Variants in ITPR1 observed in about 807,000 individuals in gnomAD.
ITPR1 encodes the protein inositol 1,4,5-trisphosphate receptor type 1, also known as inositol 1,4,5-trisphosphate-gated calcium channel ITPR1.
Under a neutral mutation model 318.4 loss-of-function variants are expected in ITPR1, and 96 were observed. That is an observed-to-expected ratio of 0.30 (90% CI 0.26 to 0.36). The LOEUF is 0.36. ITPR1 is among the 10% of genes least tolerant of loss of function. The pLI is 1.00. For missense variants in ITPR1, 2,440 were observed against 3,460.2 expected, an observed-to-expected ratio of 0.71 and a Z score of 7.40; for synonymous variants, 1,312 against 1,289.9, an observed-to-expected ratio of 1.02 and a Z score of -0.37.
chr3:4,754,571 C>T (rs913034151), intron 44 of ITPR1, among the ~76,000 whole-genome samples: 1 of 152,222 alleles, frequency 6.6e-6, no homozygotes, highest in Non-Finnish European at 1.5e-5. Context: ...TAGCATGTGT[C>T]TCCTGCAGCC....
intron 61 of ITPR1, 36 bp downstream of exon 61, chr3:4,836,971 C>A (rs1396408127): frequency 6.6e-7 from 1 of 1,510,310 alleles, no homozygotes; most frequent in African/African-American, 1.4e-5. Context: ...ACCCTCCCAT[C>A]ACTATCCCCA....
intron 4 of ITPR1, among the ~76,000 whole-genome samples, chr3:4,577,494 G>A (rs549738709): frequency 3.9e-5 from 6 of 152,166 alleles, no homozygotes; most frequent in Admixed American, 2.6e-4. Context: ...GAGAGCAGAA[G>A]TCTTTTGGGT....
At chr3:4,730,377 G>GTA (rs2042834806) in intron 42 of ITPR1, among the ~76,000 whole-genome samples, 1 of 87,682 alleles carries the variant, frequency 1.1e-5, no homozygotes, top group Non-Finnish European at 2.6e-5. Context: ...TGGAATGTGT[G>GTA]TGTGTGTGTG....
At chr3:4,719,325 C>G (rs1442873044) in intron 40 of ITPR1, among the ~76,000 whole-genome samples, 1 of 152,264 alleles carries the variant, frequency 6.6e-6, no homozygotes, top group Non-Finnish European at 1.5e-5. Context: ...CCCAGCCCCT[C>G]AGGCTGGTGG....
chr3:4,561,922 A>G (rs1291383245), intron 4 of ITPR1, among the ~76,000 whole-genome samples: 1 of 152,168 alleles, frequency 6.6e-6, no homozygotes, highest in Admixed American at 6.5e-5. Context: ...GTTGAATTGA[A>G]TAGCTCCTAG....
At chr3:4,715,308 A>G (rs2041687213) in intron 39 of ITPR1, among the ~76,000 whole-genome samples, 1 of 152,262 alleles carries the variant, frequency 6.6e-6, no homozygotes, top group Non-Finnish European at 1.5e-5. Context: ...TATGTAAACA[A>G]TAGTGGGCAT....
intron 43 of ITPR1, among the ~76,000 whole-genome samples, 164 bp downstream of exon 43, chr3:4,733,384 C>T (rs2043062743): frequency 1.3e-5 from 2 of 152,010 alleles, no homozygotes; most frequent in African/African-American, 4.8e-5. Flanking sequence ...AAATTGATGC[C>T]TAAACATATT....
At chr3:4,502,118 C>T (rs1559347724) in intron 2 of ITPR1, among the ~76,000 whole-genome samples, 1 of 152,210 alleles carries the variant, frequency 6.6e-6, no homozygotes, top group East Asian at 1.9e-4. Flanking sequence ...AGACGACGGA[C>T]ATTCATTTGT....
intron 5 of ITPR1, among the ~76,000 whole-genome samples, chr3:4,637,969 G>C (rs1425401595): frequency 6.6e-6 from 1 of 152,148 alleles, no homozygotes; most frequent in African/African-American, 2.4e-5. Context: ...TTATGTGTCT[G>C]GCATACATTT....
rs570297729 is a variant in ITPR1 at position 4,543,890 on chromosome 3, T to G, written c.163+22796T>G. On this transcript the variant is annotated intron_variant, in intron 4 of 61. Transcript: ENST00000649015. The stretch of plus-strand genomic sequence containing the variant: ...GTAGTGAAAGTCTCAAAATCGTGTC[T>G]TTTTGCTCCACATCCTTAGTGTATG... Among the ~76,000 whole-genome samples, 101 of 152,334 alleles carry G rather than the reference T, an allele frequency of 6.6e-4. 1 individual carries two copies. The highest frequency in any genetic ancestry group is 2.4e-3 in the African/African-American group (101 of 41,574).
At chr3:4,800,362 G>C in intron 53 of ITPR1, 63 bp from the exon 54 acceptor site, 1 of 1,528,924 alleles carries the variant, frequency 6.5e-7, no homozygotes, top group East Asian at 2.3e-5. Flanking sequence ...GCATGTTTTA[G>C]GTCTGTCCCC....
intron 19 of ITPR1, among the ~76,000 whole-genome samples, 181 bp from the exon 20 acceptor site, chr3:4,670,548 T>C (rs938267808): frequency 6.6e-6 from 1 of 152,168 alleles, no homozygotes; most frequent in Non-Finnish European, 1.5e-5. Context: ...AGCAGCACCA[T>C]AGTCGAGAAC....
chr3:4,719,136 C>T (rs137952435), intron 40 of ITPR1, among the ~76,000 whole-genome samples: 6 of 152,276 alleles, frequency 3.9e-5, no homozygotes, highest in Admixed American at 6.5e-5. Flanking sequence ...AAAGATTCCA[C>T]AGTTGGAGCA....
rs572766820 is a variant in ITPR1, at chr3:4,684,958, G to C, written c.3565-111G>C. The C allele has an allele frequency of 3.2e-4, 339 of 1,075,558 alleles. 1 individual carries two copies. The highest frequency in any genetic ancestry group is 2.4e-3 in the South Asian group (167 of 69,174). 66.6% of individuals were successfully genotyped at this position (1,075,558 alleles called of 1,614,324 possible). ...ACATACTGAAGGAATTTTGTTTTACGTTTTTAATGCATTATAATCCCCTTT... is the reference window on the plus strand; with the variant it reads ...ACATACTGAAGGAATTTTGTTTTACCTTTTTAATGCATTATAATCCCCTTT... On this transcript the variant is annotated intron_variant, in intron 29 of 61. Coordinates refer to ENST00000649015, the MANE Select transcript of ITPR1 (RefSeq NM_001378452.1).
intron 4 of ITPR1, among the ~76,000 whole-genome samples, chr3:4,592,679 A>G (rs941566369): frequency 3.9e-5 from 6 of 151,950 alleles, no homozygotes; most frequent in African/African-American, 1.5e-4. Flanking sequence ...TAATGTCCAC[A>G]CCATCGTCTG....
intron 12 of ITPR1, among the ~76,000 whole-genome samples, chr3:4,656,385 G>C (rs893181193): frequency 2.6e-5 from 4 of 152,210 alleles, no homozygotes; most frequent in Non-Finnish European, 2.9e-5. Flanking sequence ...AGATGGTTCG[G>C]AGAGAACAAA....
intron 38 of ITPR1, among the ~76,000 whole-genome samples, chr3:4,711,210 C>G (rs1288837460): frequency 3.5e-5 from 2 of 57,914 alleles, no homozygotes; most frequent in African/African-American, 1.1e-4. Flanking sequence ...GACCTTGTCT[C>G]AAAAAAAAAA....
intron 33 of ITPR1, 146 bp downstream of exon 33, chr3:4,693,887 C>A: frequency 1.3e-6 from 1 of 795,604 alleles, no homozygotes; most frequent in Non-Finnish European, 1.9e-6. Context: ...GATTTCAGTT[C>A]CCTAAAACAT....
chr3:4,725,601 T>G lies in ITPR1; in HGVS notation c.5172+20T>G. On this transcript the variant is annotated intron_variant, in intron 41 of 61. Transcript: ENST00000649015. ...ACTGAGGTGTGTTGCCCGCCTATAT[T>G]TGTAGCGCCAGCGCCAGCAAATATG... 6.3e-7 allele frequency: 1 copy of G among 1,596,292 alleles called. No homozygotes were observed. Among genetic ancestry groups the G allele is most frequent in the South Asian group, 1.1e-5 (1 of 91,016 alleles).
Sources: gnomAD v4.1 joint callset for allele counts (sites outside exome capture counted in the v4.1 genomes callset) on GRCh38, gnomAD v4.1.1 for gene constraint, MANE v1.5 for transcripts, NCBI Gene and HGNC (gene_info 2026-07-23, HGNC 2026-07-21) for gene names.